KIAA1217: variants seen among roughly 807,000 people sequenced by gnomAD.
The protein encoded by KIAA1217 is sickle tail protein homolog.
Under a neutral mutation model 163.9 loss-of-function variants are expected in KIAA1217, and 88 were observed. The ratio of observed to expected loss-of-function variants is 0.54; its 90% confidence interval spans 0.45 to 0.64. The LOEUF (loss-of-function observed/expected upper bound fraction) is 0.64. KIAA1217 is among the 30% of genes least tolerant of loss of function. The pLI, the probability that KIAA1217 is intolerant of heterozygous loss-of-function variation, is 0.00. For missense variants in KIAA1217, 2,372 were observed against 2,475.0 expected (o/e 0.96, Z 0.88); for synonymous variants, 903 against 923.1 (o/e 0.98, Z 0.39).
chr10:23,719,720 C>T (rs528827000), intron 1 of KIAA1217, among the ~76,000 whole-genome samples: 8 of 152,050 alleles, frequency 5.3e-5, no homozygotes, highest in Admixed American at 1.3e-4. Context: ...AGATCGAGAC[C>T]GTCCTGGCCA....
chr10:24,449,135 G>A (rs2132238538), intron 5 of KIAA1217, among the ~76,000 whole-genome samples: 1 of 152,260 alleles, frequency 6.6e-6, no homozygotes. Flanking sequence ...GATTAGCTAG[G>A]CAAACACATT....
In KIAA1217 at chr10:24,471,799, C is replaced by T. The variant is rs559059595; in HGVS notation, c.847-1429C>T. ...TTGGGAGGCTGAGGTAGGAGAATCA[C>T]TTGAACCCAGGAGGTGGAGATTGCA... is the stretch of plus-strand genomic sequence containing the variant. On this transcript the variant is annotated intron_variant, in intron 5 of 20. Coordinates refer to ENST00000376454, the MANE Select transcript of KIAA1217 (RefSeq NM_019590.5). 8.0e-4 allele frequency among the ~76,000 whole-genome samples: 119 copies of T among 149,612 alleles called. 1 individual carries two copies. The highest frequency in any genetic ancestry group is 2.9e-3 in the African/African-American group (116 of 40,570).
At chr10:23,736,353 A>G (rs900358727) in intron 1 of KIAA1217, among the ~76,000 whole-genome samples, 3 of 152,138 alleles carry the variant, frequency 2.0e-5, no homozygotes, top group Non-Finnish European at 4.4e-5. Flanking sequence ...TCTCAGCACC[A>G]CCTATTGAGT....
Position 24,404,823 on chromosome 10 carries a change from G to A in KIAA1217, c.553+23756G>A, listed in dbSNP as rs1021538874. Among the ~76,000 whole-genome samples, 7 of 152,122 alleles carry A rather than the reference G, an allele frequency of 4.6e-5. 1 individual carries two copies. The highest frequency in any genetic ancestry group is 1.3e-4 in the Admixed American group (2 of 15,272). On this transcript the variant is annotated intron_variant, in intron 3 of 20. Transcript: ENST00000376454. ...ACTCTGCAACAAGGGACAAACTGTC[G>A]ATACACAATGACTTGGATTTATGCT...
At chr10:24,355,081 G>A (rs570216358) in intron 2 of KIAA1217, among the ~76,000 whole-genome samples, 1 of 152,314 alleles carries the variant, frequency 6.6e-6, no homozygotes, top group Non-Finnish European at 1.5e-5. Flanking sequence ...TAAGAAGCTT[G>A]AAGATGAGGC....
intron 3 of KIAA1217, among the ~76,000 whole-genome samples, chr10:24,406,060 G>A (rs2057175639): frequency 6.6e-6 from 1 of 152,120 alleles, no homozygotes. Flanking sequence ...TTACAAAATA[G>A]AAGGCTTTCA....
chr10:24,263,888 G>A (rs576895900), intron 2 of KIAA1217, among the ~76,000 whole-genome samples: 88 of 151,776 alleles, frequency 5.8e-4, no homozygotes, highest in African/African-American at 2.1e-3. Context: ...ACAGAATCTC[G>A]CTCTGTCAAC....
At chr10:23,733,536 C>T (rs1350440439) in intron 1 of KIAA1217, among the ~76,000 whole-genome samples, 2 of 152,024 alleles carry the variant, frequency 1.3e-5, no homozygotes, top group African/African-American at 2.4e-5. Context: ...CTTTAGATTA[C>T]TTATAATACC....
rs111911899 is a variant in KIAA1217 at position 24,418,123 on chromosome 10, C to CT, written c.554-14863dup. The stretch of plus-strand genomic sequence containing the variant: ...CACCACCAATAAAAAAAAAATGCTG[C>CT]TTTTTTTTTATTTTTTGTAGAGATC... On this transcript the variant is annotated intron_variant, in intron 3 of 20. Transcript: ENST00000376454. Among the ~76,000 whole-genome samples the CT allele has an allele frequency of 2.0e-3, 306 of 150,974 alleles. 2 individuals carry two copies. The highest frequency in any genetic ancestry group is 5.8e-3 in the East Asian group (30 of 5,146).
At chr10:23,964,910 A>G (rs1048093872) in intron 1 of KIAA1217, among the ~76,000 whole-genome samples, 1 of 152,142 alleles carries the variant, frequency 6.6e-6, no homozygotes, top group South Asian at 2.1e-4. Flanking sequence ...AACCACCCAT[A>G]ATAGTTGAAT....
chr10:24,082,767 G>T (rs563866998), intron 2 of KIAA1217, among the ~76,000 whole-genome samples: 1 of 152,276 alleles, frequency 6.6e-6, no homozygotes, highest in Admixed American at 6.5e-5. Context: ...ACCCAGTAAT[G>T]GGATTTCTGG....
chr10:23,695,685 GGAGA>G lies in KIAA1217; in HGVS notation c.-321+458_-321+461del, dbSNP rs972432606. On this transcript the variant is annotated intron_variant, in intron 1 of 18. Transcript: ENST00000376462. The surrounding 1 kb of genome is among the most constrained non-coding windows in gnomAD (Gnocchi z 4.9). ...TCTGATGGCTGGAAGACAGGGGCAA[GGAGA>G]GAGAGAACCGGCCCCGAGACGGGCT... is the stretch of plus-strand genomic sequence containing the variant. Among the ~76,000 whole-genome samples, 4 of 152,182 alleles carry G rather than the reference GGAGA, an allele frequency of 2.6e-5. No homozygotes were observed. Among genetic ancestry groups the G allele is most frequent in the African/African-American group, 4.8e-5 (2 of 41,466 alleles).
rs568821323 is a variant in KIAA1217, at chr10:23,854,534, T to C, written c.-320-152691T>C. On this transcript the variant is annotated intron_variant, in intron 1 of 18. Transcript: ENST00000376462. ...TTCTGTAGATGTCTATTAGATCCGC[T>C]TGGTGCAGAGCTGAGTTCAATTCCT... is the stretch of plus-strand genomic sequence containing the variant. Among the ~76,000 whole-genome samples the C allele has an allele frequency of 5.4e-3, 818 of 152,306 alleles. 6 individuals are homozygous for C. Among genetic ancestry groups the C allele is most frequent in the African/African-American group, 0.019 (794 of 41,552 alleles).
intron 1 of KIAA1217, among the ~76,000 whole-genome samples, chr10:23,714,012 C>A (rs1837414780): frequency 1.3e-5 from 2 of 152,042 alleles, no homozygotes; most frequent in South Asian, 2.1e-4. Flanking sequence ...AATTATTAGT[C>A]TTTTTTCATT....
intron 2 of KIAA1217, among the ~76,000 whole-genome samples, chr10:24,138,111 G>T (rs2063905089): frequency 6.6e-6 from 1 of 152,100 alleles, no homozygotes; most frequent in African/African-American, 2.4e-5. Flanking sequence ...TTTTCTTCTG[G>T]ACTTTTGGTT....
chr10:24,276,004 C>G (rs2077247404), intron 2 of KIAA1217, among the ~76,000 whole-genome samples: 1 of 152,122 alleles, frequency 6.6e-6, no homozygotes, highest in Non-Finnish European at 1.5e-5. Context: ...CCAGTCCTCA[C>G]TGACCATTTC....
chr10:23,702,225 G>GGAGA (rs1836504565), intron 1 of KIAA1217, among the ~76,000 whole-genome samples: 1 of 142,266 alleles, frequency 7.0e-6, no homozygotes, highest in African/African-American at 3.1e-5. Flanking sequence ...TAGGGAAGAG[G>GGAGA]GAGAGAAGAG....
chr10:23,987,302 G>A (rs569724022), intron 1 of KIAA1217, among the ~76,000 whole-genome samples: 91 of 150,182 alleles, frequency 6.1e-4, no homozygotes, highest in Non-Finnish European at 7.8e-4. Context: ...GCGTGAACCC[G>A]GGAGGCGGAG....
rs557309328 is a variant in KIAA1217, at chr10:24,093,467, C to T, written c.-171+86093C>T. On this transcript the variant is annotated intron_variant, in intron 2 of 18. Coordinates refer to the KIAA1217 transcript ENST00000376462. ...GATTACAGGTGTGAGCCACCACTCTCGGCTCTATTCTTTTTCAGTAGAGAC... is the reference window on the plus strand; with the variant it reads ...GATTACAGGTGTGAGCCACCACTCTTGGCTCTATTCTTTTTCAGTAGAGAC... Among the ~76,000 whole-genome samples, 14 of 151,322 alleles carry T rather than the reference C, an allele frequency of 9.3e-5. No homozygotes were observed. The South Asian group carries it at 2.1e-3, about 23-fold the overall frequency.
Sources: allele counts gnomAD v4.1 joint callset (sites outside exome capture counted in the v4.1 genomes callset), GRCh38; gene constraint gnomAD v4.1.1; non-coding constraint Gnocchi (gnomAD v3.1); transcripts MANE v1.5; gene names NCBI Gene and HGNC (gene_info 2026-07-23, HGNC 2026-07-21).